The following NTSR1 variants were observed in gnomAD, a reference collection of about 807,000 sequenced individuals.
NTSR1 encodes the protein neurotensin receptor 1.
A neutral mutation model predicts 31.2 loss-of-function variants in NTSR1; 29 were observed. That is an observed-to-expected ratio of 0.93 (90% confidence interval 0.69 to 1.27). The LOEUF (loss-of-function observed/expected upper bound fraction) is 1.27. NTSR1 is among the 50% of genes most tolerant of loss of function. The pLI is 0.00. For missense variants in NTSR1, 697 were observed against 595.4 expected, an observed-to-expected ratio of 1.17 and a Z score of -1.78; for synonymous variants, 282 against 269.9, an observed-to-expected ratio of 1.04 and a Z score of -0.44.
chr20:62,720,770 A>G (rs1361782398), intron 1 of NTSR1, among the ~76,000 whole-genome samples: 1 of 152,084 alleles, frequency 6.6e-6, no homozygotes, highest in African/African-American at 2.4e-5. Context: ...TCTAACATAA[A>G]CATGAAATGC....
chr20:62,736,846 G>A (rs867616933), intron 1 of NTSR1, among the ~76,000 whole-genome samples: 2 of 152,240 alleles, frequency 1.3e-5, no homozygotes, highest in African/African-American at 2.4e-5. Flanking sequence ...CCAGGGGGAG[G>A]TGACTGGATC....
chr20:62,709,057 C>A lies in NTSR1; in HGVS notation c.-151C>A. The A allele has an allele frequency of 3.5e-6, 2 of 568,778 alleles. No homozygotes were observed. The highest frequency in any genetic ancestry group is 5.6e-6 in the Non-Finnish European group (2 of 357,110). 35.2% of individuals were successfully genotyped at this position (568,778 alleles called of 1,614,324 possible). A position where few individuals can be genotyped will look rare whatever the true frequency, so the allele number is the denominator to read the frequency against. ...CCCGGGGCGGCGCGTCTGGGTCTGG[C>A]GCTTCCCGACTGGACGGCGCGCCCG... On this transcript the variant is annotated 5_prime_UTR_variant, in exon 1 of 4. Transcript: ENST00000370501.
intron 3 of NTSR1, 43 bp from the exon 4 acceptor site, chr20:62,759,975 C>G: frequency 6.2e-7 from 1 of 1,602,608 alleles, no homozygotes; most frequent in South Asian, 1.1e-5. Flanking sequence ...TTGGGGCCCT[C>G]AAGAGTTCTC....
Position 62,709,143 on chromosome 20 carries a change from C to G in NTSR1, c.-65C>G. ...TTCATCGGTCCCCGCCTGAGACGCGCCCACTCCTGCCCGGACTTCCAGCCC... is the reference window on the plus strand; with the variant it reads ...TTCATCGGTCCCCGCCTGAGACGCGGCCACTCCTGCCCGGACTTCCAGCCC... On this transcript the variant is annotated 5_prime_UTR_variant, in exon 1 of 4. Coordinates refer to ENST00000370501, the MANE Select transcript of NTSR1 (RefSeq NM_002531.3). 7.1e-6 allele frequency: 9 copies of G among 1,265,480 alleles called. No individual in the cohort carries two copies. The highest frequency in any genetic ancestry group is 8.2e-6 in the Non-Finnish European group (8 of 974,824). 78.4% of individuals were successfully genotyped at this position (1,265,480 alleles called of 1,614,324 possible). A position where few individuals can be genotyped will look rare whatever the true frequency, so the allele number is the denominator to read the frequency against.
chr20:62,748,629 C>A (rs1828192998), intron 1 of NTSR1, among the ~76,000 whole-genome samples: 2 of 152,186 alleles, frequency 1.3e-5, no homozygotes, highest in Non-Finnish European at 2.9e-5. Flanking sequence ...TTCGTACAGT[C>A]AAATCATCTT....
At chr20:62,725,135 G>A (rs1337904079) in intron 1 of NTSR1, among the ~76,000 whole-genome samples, 2 of 152,222 alleles carry the variant, frequency 1.3e-5, no homozygotes, top group East Asian at 3.9e-4. Flanking sequence ...GCACAGGATG[G>A]GGCTCCCTGG....
chr20:62,731,949 A>G (rs905153559), intron 1 of NTSR1, among the ~76,000 whole-genome samples: 1 of 152,108 alleles, frequency 6.6e-6, no homozygotes, highest in African/African-American at 2.4e-5. Flanking sequence ...TGAAACCCCC[A>G]TCTCTACTAA....
At chr20:62,746,932 C>T (rs1307548703) in intron 1 of NTSR1, among the ~76,000 whole-genome samples, 4 of 152,212 alleles carry the variant, frequency 2.6e-5, no homozygotes, top group African/African-American at 9.7e-5. Context: ...TCAGCATTAC[C>T]CTGATACCAA....
chr20:62,736,886 T>G (rs1205447083), intron 1 of NTSR1, among the ~76,000 whole-genome samples: 1 of 152,202 alleles, frequency 6.6e-6, no homozygotes, highest in Non-Finnish European at 1.5e-5. Flanking sequence ...GCAGTTCTTG[T>G]GAGAGTGAAT....
At position 62,715,938 on chromosome 20, in the gene NTSR1, C is replaced by T. The variant is rs1249181015; in HGVS notation, c.714+6017C>T. ...CCCGAGAGGACGTCCGACCTGTGCA[C>T]GAACCAGAGGCTGCCTTCGTTTTTC... On this transcript the variant is annotated intron_variant, in intron 1 of 3. Transcript: ENST00000370501. This position sits in a 1 kb window ranked among gnomAD's most constrained non-coding sequence, Gnocchi z 4.7. Among the ~76,000 whole-genome samples the T allele has an allele frequency of 6.6e-6, 1 of 152,152 alleles. No individual in the cohort carries two copies. Among genetic ancestry groups the T allele is most frequent in the Non-Finnish European group, 1.5e-5 (1 of 68,024 alleles).
intron 1 of NTSR1, among the ~76,000 whole-genome samples, chr20:62,748,576 T>C (rs575170416): frequency 6.6e-6 from 1 of 152,304 alleles, no homozygotes; most frequent in East Asian, 1.9e-4. Flanking sequence ...TAGTACCACA[T>C]AGACCCACGG....
intron 1 of NTSR1, among the ~76,000 whole-genome samples, chr20:62,750,199 A>G (rs936072816): frequency 6.6e-6 from 1 of 152,248 alleles, no homozygotes; most frequent in Non-Finnish European, 1.5e-5. Context: ...AGCCAGGCGC[A>G]GAAAGACAAA....
chr20:62,731,825 T>C (rs572374865), intron 1 of NTSR1, among the ~76,000 whole-genome samples: 47 of 152,346 alleles, frequency 3.1e-4, no homozygotes, highest in African/African-American at 1.1e-3. Context: ...TTAGCCACGA[T>C]TACACTTTAC....
Position 62,754,700 on chromosome 20 carries a change from T to C in NTSR1, c.730T>C (p.Ser244Pro). 1 of 1,612,528 alleles carries C rather than the reference T, an allele frequency of 6.2e-7. No homozygotes were observed. Among genetic ancestry groups the C allele is most frequent in the South Asian group, 1.1e-5 (1 of 91,090 alleles). ...KVVIQVNTFM[S>P]FIFPMVVISV... ...TCTCCTGCAGGTCAACACCTTCATG[T>C]CCTTCATATTCCCCATGGTGGTCAT... Residue 244 changes from serine (S) to proline (P), a missense_variant, in exon 2 of 4, where the codon TCC becomes CCC. Transcript: ENST00000370501.
rs750075031 is a variant in NTSR1 at position 62,709,382 on chromosome 20, G to C, written c.175G>C (p.Asp59His). The change falls in exon 1 of 4, where the codon GAC becomes CAC. Residue 59 changes from aspartate (D) to histidine (H), a missense_variant. Asp to His is a moderately conservative substitution (Grantham distance 81). Transcript: ENST00000370501. ...APSSELDVNT[D>H]IYSKVLVTAV... ...CAGCAGCGAGCTGGACGTGAACACCGACATCTACTCCAAGGTGCTGGTGAC... is the reference window on the plus strand; with the variant it reads ...CAGCAGCGAGCTGGACGTGAACACCCACATCTACTCCAAGGTGCTGGTGAC... 1 of 1,608,926 alleles carries C rather than the reference G, an allele frequency of 6.2e-7. No individual in the cohort carries two copies. The highest frequency in any genetic ancestry group is 8.5e-7 in the Non-Finnish European group (1 of 1,177,094).
chr20:62,734,130 C>G (rs977327327), intron 1 of NTSR1, among the ~76,000 whole-genome samples: 1 of 152,096 alleles, frequency 6.6e-6, no homozygotes. Context: ...ACCGCCTTGT[C>G]CCCTGCGCAG....
At chr20:62,739,483 C>A (rs1989164315) in intron 1 of NTSR1, among the ~76,000 whole-genome samples, 1 of 152,246 alleles carries the variant, frequency 6.6e-6, no homozygotes, top group Non-Finnish European at 1.5e-5. Context: ...GCTGGGGAAG[C>A]AAGGAGAGCC....
At chr20:62,739,990 G>A (rs1600729014) in intron 1 of NTSR1, among the ~76,000 whole-genome samples, 1 of 152,246 alleles carries the variant, frequency 6.6e-6, no homozygotes, top group South Asian at 2.1e-4. Flanking sequence ...GTCCCCAGCT[G>A]CAGGGCCTCC....
chr20:62,712,988 T>G (rs1361244154), intron 1 of NTSR1, among the ~76,000 whole-genome samples: 2 of 152,184 alleles, frequency 1.3e-5, no homozygotes, highest in Non-Finnish European at 1.5e-5. Flanking sequence ...GGGCCCACAG[T>G]GGCAGGGGCC....
Sources: gnomAD v4.1 joint callset for allele counts (sites outside exome capture counted in the v4.1 genomes callset) on GRCh38, gnomAD v4.1.1 for gene constraint, Gnocchi (gnomAD v3.1) non-coding constraint, MANE v1.5 for transcripts, NCBI Gene and HGNC (gene_info 2026-07-23, HGNC 2026-07-21) for gene names.